Variants in GRID1 observed in about 807,000 individuals in gnomAD.
GRID1 encodes the protein glutamate ionotropic receptor delta type subunit 1, also known as glutamate receptor ionotropic, delta-1.
Under a neutral mutation model 98.0 loss-of-function variants are expected in GRID1, and 28 were observed. That is an observed-to-expected ratio of 0.29 (90% CI 0.21 to 0.39). GRID1 has a LOEUF of 0.39. Among genes scored for constraint, GRID1 ranks in the 10% least tolerant of loss-of-function variants. The pLI, the probability that GRID1 is intolerant of heterozygous loss-of-function variation, is 1.00. For missense variants in GRID1, 1,111 were observed against 1,340.5 expected (o/e 0.83, Z 2.67); for synonymous variants, 553 against 538.5 (o/e 1.03, Z -0.37).
At chr10:85,909,732 G>A (rs544044554) in intron 5 of GRID1, among the ~76,000 whole-genome samples, 1 of 152,292 alleles carries the variant, frequency 6.6e-6, no homozygotes, top group East Asian at 1.9e-4. Flanking sequence ...AAACAGATCA[G>A]TAGTTGCCTA....
rs138706580 is a variant in GRID1 at position 85,945,894 on chromosome 10, G to C, written c.727-29655C>G. ...TCAGCAACAACAATTAAAAATACTG[G>C]AAATATTTCCGACCATTCATTTTCA... On this transcript the variant is annotated intron_variant, in intron 4 of 15. Coordinates refer to ENST00000327946, the MANE Select transcript of GRID1 (RefSeq NM_017551.3). Among the ~76,000 whole-genome samples, 609 of 152,236 alleles carry C rather than the reference G, an allele frequency of 4.0e-3. 3 individuals are homozygous for C. Among genetic ancestry groups the C allele is most frequent in the African/African-American group, 0.013 (540 of 41,554 alleles).
chr10:85,730,942 T>C (rs907913748), intron 8 of GRID1, among the ~76,000 whole-genome samples: 8 of 152,174 alleles, frequency 5.3e-5, no homozygotes, highest in Non-Finnish European at 1.2e-4. Context: ...GTATATACTG[T>C]TGTCAGGGAA....
chr10:85,904,247 T>C (rs924687264), intron 5 of GRID1, among the ~76,000 whole-genome samples: 2 of 152,074 alleles, frequency 1.3e-5, no homozygotes, highest in Non-Finnish European at 2.9e-5. Context: ...GAAAAACCTA[T>C]GAAAAAATAG....
At chr10:85,734,345 C>T (rs148873993) in intron 8 of GRID1, among the ~76,000 whole-genome samples, 1 of 152,094 alleles carries the variant, frequency 6.6e-6, no homozygotes, top group Non-Finnish European at 1.5e-5. Flanking sequence ...AGCTTCAAAT[C>T]ATTTTAGTTA....
intron 4 of GRID1, among the ~76,000 whole-genome samples, chr10:86,055,813 TTCTCTCTC>T (rs141146400): frequency 1.4e-5 from 2 of 147,350 alleles, no homozygotes; most frequent in South Asian, 2.2e-4. Flanking sequence ...TGTGCTCTCA[TTCTCTCTC>T]TCTCTCTCTC....
At chr10:85,747,782 C>A (rs1007912705) in intron 8 of GRID1, among the ~76,000 whole-genome samples, 1 of 152,036 alleles carries the variant, frequency 6.6e-6, no homozygotes. Context: ...AGCCTTGAGC[C>A]CAGATGATCT....
chr10:86,001,799 T>C (rs2131875270), intron 4 of GRID1, among the ~76,000 whole-genome samples: 1 of 152,176 alleles, frequency 6.6e-6, no homozygotes, highest in African/African-American at 2.4e-5. Flanking sequence ...GACCACAAAC[T>C]GGATGCCTGA....
chr10:86,085,077 G>A (rs1218104833), intron 4 of GRID1, among the ~76,000 whole-genome samples: 1 of 152,222 alleles, frequency 6.6e-6, no homozygotes, highest in Non-Finnish European at 1.5e-5. Context: ...AAAGAAAGAA[G>A]AGGAGTTTCC....
intron 2 of GRID1, among the ~76,000 whole-genome samples, chr10:86,288,141 C>G (rs1044303613): frequency 6.6e-6 from 1 of 152,222 alleles, no homozygotes; most frequent in Non-Finnish European, 1.5e-5. Flanking sequence ...AGACTCACAT[C>G]TGCCCACCTG....
At chr10:86,086,812 T>C (rs547615684) in intron 4 of GRID1, among the ~76,000 whole-genome samples, 15 of 152,266 alleles carry the variant, frequency 9.9e-5, no homozygotes, top group Non-Finnish European at 1.5e-4. Context: ...CCCAGGCTCC[T>C]GAACATGACT....
chr10:86,363,106 C>G (rs2132124341), intron 2 of GRID1, among the ~76,000 whole-genome samples: 1 of 152,364 alleles, frequency 6.6e-6, no homozygotes, highest in South Asian at 2.1e-4. Flanking sequence ...CCAGGGTTCC[C>G]GAGCTGAAAG....
intron 4 of GRID1, among the ~76,000 whole-genome samples, chr10:85,927,396 C>T (rs1175052517): frequency 6.6e-6 from 1 of 152,178 alleles, no homozygotes; most frequent in African/African-American, 2.4e-5. Flanking sequence ...TACCAGGTCC[C>T]AGTCAACAGG....
At position 86,242,053 on chromosome 10, in the gene GRID1, T is replaced by C. The variant is rs1846644920; in HGVS notation, c.236-35405A>G. ...TTGTAATAATGTACACTAATTCAAT[T>C]ACACAGATTTTTGTTGAGCATTTAC... On this transcript the variant is annotated intron_variant, in intron 2 of 15. Coordinates refer to ENST00000327946, the MANE Select transcript of GRID1 (RefSeq NM_017551.3). Among the ~76,000 whole-genome samples the C allele has an allele frequency of 1.3e-5, 2 of 152,332 alleles. 1 individual carries two copies. Among genetic ancestry groups the C allele is most frequent in the Middle Eastern group, 6.8e-3 (2 of 294 alleles).
chr10:86,151,578 A>C (rs1845170427), intron 3 of GRID1, among the ~76,000 whole-genome samples: 2 of 152,224 alleles, frequency 1.3e-5, no homozygotes, highest in Non-Finnish European at 2.9e-5. Flanking sequence ...GTTAATTTGC[A>C]ATCAGTATTA....
intron 4 of GRID1, among the ~76,000 whole-genome samples, chr10:85,964,283 C>T (rs1436956794): frequency 1.3e-5 from 2 of 151,954 alleles, no homozygotes; most frequent in Non-Finnish European, 2.9e-5. Context: ...TGGGAAAAAA[C>T]ATGAAAAAAT....
chr10:86,077,316 C>G (rs552464943), intron 4 of GRID1, among the ~76,000 whole-genome samples: 24 of 152,322 alleles, frequency 1.6e-4, no homozygotes, highest in African/African-American at 5.8e-4. Context: ...CTCCTCAGGA[C>G]AGTCTCCAAA....
At chr10:86,149,631 T>C (rs1477434847) in intron 3 of GRID1, among the ~76,000 whole-genome samples, 5 of 152,262 alleles carry the variant, frequency 3.3e-5, no homozygotes, top group Non-Finnish European at 7.3e-5. Context: ...AAACGTCTAC[T>C]CTGGCACTTT....
intron 12 of GRID1, among the ~76,000 whole-genome samples, chr10:85,650,784 C>T (rs1006081155): frequency 2.0e-5 from 3 of 152,152 alleles, no homozygotes; most frequent in Non-Finnish European, 2.9e-5. Context: ...GAAGATATTA[C>T]CTGAGAAGGC....
chr10:86,149,614 T>G (rs1201212116), intron 3 of GRID1, among the ~76,000 whole-genome samples: 1 of 152,224 alleles, frequency 6.6e-6, no homozygotes, highest in East Asian at 1.9e-4. Flanking sequence ...TAAAAACAAT[T>G]TAAAATAAAC....
Sources: gnomAD v4.1 joint callset for allele counts (sites outside exome capture counted in the v4.1 genomes callset) on GRCh38, gnomAD v4.1.1 for gene constraint, MANE v1.5 for transcripts, NCBI Gene and HGNC (gene_info 2026-07-23, HGNC 2026-07-21) for gene names.